The following GRIK3 variants were observed in gnomAD, a reference collection of about 807,000 sequenced individuals.
GRIK3 encodes glutamate ionotropic receptor kainate type subunit 3.
GRIK3 carries 29 observed loss-of-function variants against 102.5 expected under a neutral mutation model. That is an observed-to-expected ratio of 0.28 (90% CI 0.21 to 0.39). The LOEUF (loss-of-function observed/expected upper bound fraction) is 0.39. GRIK3 is among the 10% of genes least tolerant of loss of function. The pLI, the probability that GRIK3 is intolerant of heterozygous loss-of-function variation, is 1.00. For synonymous variants in GRIK3, 511 were observed against 504.9 expected, an observed-to-expected ratio of 1.01 and a Z score of -0.16; for missense variants, 908 against 1,252.4, an observed-to-expected ratio of 0.73 and a Z score of 4.15.
At position 36,880,827 on chromosome 1, in the gene GRIK3, A is replaced by G. The variant is rs550250; in HGVS notation, c.357T>C (p.Asn119=). 0.016 allele frequency: 25,464 copies of G among 1,614,040 alleles called. 1,423 individuals are homozygous for G. The highest frequency in any genetic ancestry group is 0.13 in the African/African-American group (9,660 of 75,006). Residue 119 remains asparagine (N), a synonymous_variant, in exon 3 of 16, where the codon AAT becomes AAC. Coordinates refer to ENST00000373091, the MANE Select transcript of GRIK3 (RefSeq NM_000831.4). This position sits in a 1 kb window ranked among gnomAD's most constrained non-coding sequence, Gnocchi z 5.4. ...IFGPSQGSCT[N]AVQSICNALE... ...GGGCATTGCAGATGGACTGGACGGC[A>G]TTGGTGCAGGAGCCCTGTGATGGGC...
At chr1:36,862,354 T>C (rs1640737389) in intron 5 of GRIK3, among the ~76,000 whole-genome samples, 1 of 152,180 alleles carries the variant, frequency 6.6e-6, no homozygotes, top group African/African-American at 2.4e-5. Flanking sequence ...TGATGCATCG[T>C]TGATTGTCTT....
intron 1 of GRIK3, among the ~76,000 whole-genome samples, chr1:36,946,029 A>G (rs757438476): frequency 2.0e-4 from 31 of 152,208 alleles, no homozygotes; most frequent in Non-Finnish European, 3.7e-4. Context: ...AGAATGACTG[A>G]CAGAAAGTGA....
At chr1:36,862,631 T>C (rs1207167662) in intron 5 of GRIK3, among the ~76,000 whole-genome samples, 4 of 151,696 alleles carry the variant, frequency 2.6e-5, no homozygotes, top group African/African-American at 9.7e-5. Flanking sequence ...AGAATAAATA[T>C]CCCAGAAGAA....
intron 1 of GRIK3, among the ~76,000 whole-genome samples, chr1:36,988,199 G>A (rs1032207408): frequency 6.6e-6 from 1 of 152,198 alleles, no homozygotes; most frequent in Non-Finnish European, 1.5e-5. Flanking sequence ...GCTGAGACAT[G>A]AGAATAGCTT....
Position 36,983,716 on chromosome 1 carries a change from A to AC in GRIK3, c.115+50277dup, listed in dbSNP as rs146564639. 6.5e-3 allele frequency among the ~76,000 whole-genome samples: 978 copies of AC among 151,572 alleles called. 26 individuals are homozygous for AC. In the East Asian group the frequency reaches 0.088, roughly 14 times the overall value. On this transcript the variant is annotated intron_variant, in intron 1 of 15. Coordinates refer to ENST00000373091, the MANE Select transcript of GRIK3 (RefSeq NM_000831.4). ...AAACCTTCAAAACAGGCCCTCCTTGACCCCCCCAGTTTAAATTAAGTTCCC... is the reference window on the plus strand; with the variant it reads ...AAACCTTCAAAACAGGCCCTCCTTGACCCCCCCCAGTTTAAATTAAGTTCCC...
chr1:36,929,339 A>G (rs1333392458), intron 1 of GRIK3, among the ~76,000 whole-genome samples: 1 of 152,174 alleles, frequency 6.6e-6, no homozygotes, highest in Admixed American at 6.5e-5. Flanking sequence ...TAAATGGGTG[A>G]AGGTACTGAT....
chr1:36,881,263 G>A (rs545321949), intron 2 of GRIK3, among the ~76,000 whole-genome samples: 28 of 152,222 alleles, frequency 1.8e-4, no homozygotes, highest in African/African-American at 6.7e-4. Flanking sequence ...GAAACAAATA[G>A]AATCAAACTG....
chr1:36,993,449 A>G (rs966894277), intron 1 of GRIK3, among the ~76,000 whole-genome samples: 3 of 152,130 alleles, frequency 2.0e-5, no homozygotes, highest in Non-Finnish European at 4.4e-5. Flanking sequence ...CCTTGAACCA[A>G]TCTCTCAACT....
intron 1 of GRIK3, among the ~76,000 whole-genome samples, chr1:37,015,753 C>T (rs1322925377): frequency 6.6e-6 from 1 of 152,196 alleles, no homozygotes; most frequent in African/African-American, 2.4e-5. Flanking sequence ...AAGCCTCCCA[C>T]GTTGCAGTCC....
chr1:36,915,572 A>C (rs1158763909), intron 1 of GRIK3, among the ~76,000 whole-genome samples: 2 of 152,126 alleles, frequency 1.3e-5, no homozygotes, highest in Non-Finnish European at 2.9e-5. Flanking sequence ...CTCATCTTGA[A>C]TCCCCATGTG....
chr1:36,994,665 C>A (rs1642399362), intron 1 of GRIK3, among the ~76,000 whole-genome samples: 1 of 152,176 alleles, frequency 6.6e-6, no homozygotes, highest in African/African-American at 2.4e-5. Context: ...CCATGCAGAG[C>A]AATGTGGTAC....
At chr1:36,831,253 G>T (rs988906467) in intron 10 of GRIK3, among the ~76,000 whole-genome samples, 3 of 152,172 alleles carry the variant, frequency 2.0e-5, no homozygotes, top group Non-Finnish European at 4.4e-5. Flanking sequence ...CTTGACTCTG[G>T]CCCCTGACCA....
intron 13 of GRIK3, among the ~76,000 whole-genome samples, chr1:36,812,242 G>A (rs1033507270): frequency 2.0e-5 from 3 of 152,068 alleles, no homozygotes; most frequent in Admixed American, 6.5e-5. Context: ...GCTAGGAACC[G>A]AGGCTGTGCA....
At chr1:36,959,795 GT>G (rs1641980136) in intron 1 of GRIK3, among the ~76,000 whole-genome samples, 2 of 121,086 alleles carry the variant, frequency 1.7e-5, no homozygotes, top group Non-Finnish European at 1.8e-5. Context: ...GTGAGCCTGT[GT>G]ACCCCATGAC....
At chr1:36,875,229 G>A (rs188250594) in intron 3 of GRIK3, among the ~76,000 whole-genome samples, 10 of 152,336 alleles carry the variant, frequency 6.6e-5, no homozygotes, top group African/African-American at 1.4e-4. Context: ...CTCCTAGGCT[G>A]TAGCCCTTTC....
chr1:36,879,948 G>A (rs1163494856), intron 3 of GRIK3, among the ~76,000 whole-genome samples: 1 of 152,172 alleles, frequency 6.6e-6, no homozygotes, highest in Admixed American at 6.5e-5. Context: ...GTGTGTGTGC[G>A]AGCAGAGCTG....
intron 15 of GRIK3, among the ~76,000 whole-genome samples, chr1:36,803,587 C>T (rs541142840): frequency 8.7e-4 from 133 of 152,226 alleles, no homozygotes; most frequent in African/African-American, 1.3e-3. Context: ...CAAGCCACCA[C>T]GCCCAGCTAA....
At chr1:36,997,454 G>A (rs1642432401) in intron 1 of GRIK3, among the ~76,000 whole-genome samples, 1 of 152,236 alleles carries the variant, frequency 6.6e-6, no homozygotes, top group African/African-American at 2.4e-5. Context: ...TATAATTCCA[G>A]AGCTCAATGA....
intron 1 of GRIK3, among the ~76,000 whole-genome samples, chr1:36,908,918 A>C (rs2124292827): frequency 6.6e-6 from 1 of 152,272 alleles, no homozygotes; most frequent in East Asian, 1.9e-4. Context: ...AACGGGTAAA[A>C]CAAATAACAA....
Sources: gnomAD v4.1 joint callset for allele counts (sites outside exome capture counted in the v4.1 genomes callset) on GRCh38, gnomAD v4.1.1 for gene constraint, Gnocchi (gnomAD v3.1) non-coding constraint, MANE v1.5 for transcripts, NCBI Gene and HGNC (gene_info 2026-07-23, HGNC 2026-07-21) for gene names.